Variants in PIERCE1 observed in about 807,000 individuals in gnomAD.
The protein encoded by PIERCE1 is piercer of microtubule wall 1.
the PIERCE1 span, chr9:135,498,509 A>C: frequency 1.6e-6 from 2 of 1,274,402 alleles, no homozygotes; most frequent in Non-Finnish European, 2.3e-6. This position sits in a 1 kb window ranked among gnomAD's most constrained non-coding sequence, Gnocchi z 4.1. Context: ...TGACCTGTTG[A>C]GAACCCCAGG....
At chr9:135,497,804 A>G in the PIERCE1 span, among the ~76,000 whole-genome samples, 2 of 152,322 alleles carry the variant, frequency 1.3e-5, no homozygotes, top group South Asian at 2.1e-4. Flanking sequence ...TGATTCTCAA[A>G]TGCTCCAGCA....
At chr9:135,495,723 A>G in the PIERCE1 span, 1 of 1,080,824 alleles carries the variant, frequency 9.3e-7, no homozygotes, top group Non-Finnish European at 1.3e-6. Context: ...CAGAGAAGCC[A>G]GAGTGGGTAG....
the PIERCE1 span, chr9:135,498,635 T>C: frequency 6.2e-6 from 10 of 1,613,942 alleles, no homozygotes; most frequent in African/African-American, 1.2e-4. The surrounding 1 kb of genome is among the most constrained non-coding windows in gnomAD (Gnocchi z 4.1). Context: ...TGGTTACTGG[T>C]CCTGTACACG....
chr9:135,496,883 C>T, the PIERCE1 span, among the ~76,000 whole-genome samples: 5 of 148,718 alleles, frequency 3.4e-5, no homozygotes, highest in Non-Finnish European at 5.9e-5. Flanking sequence ...CTGCAACCTT[C>T]GCCTCTGGGT....
the PIERCE1 span, among the ~76,000 whole-genome samples, chr9:135,497,617 G>T: frequency 6.6e-6 from 1 of 151,984 alleles, no homozygotes; most frequent in South Asian, 2.1e-4. Flanking sequence ...AGGGATGGGG[G>T]TCTCATTACG....
At chr9:135,498,824 T>C in the PIERCE1 span, 1 of 660,702 alleles carries the variant, frequency 1.5e-6, no homozygotes, top group South Asian at 1.8e-5. The surrounding 1 kb of genome is among the most constrained non-coding windows in gnomAD (Gnocchi z 4.1). Context: ...TGGGAGTACC[T>C]GGCTGATGAC....
chr9:135,495,293 C>T, the PIERCE1 span: 11 of 837,902 alleles, frequency 1.3e-5, no homozygotes, highest in African/African-American at 5.1e-5. Context: ...TTTCCTACTC[C>T]GCAGACGAAT....
At chr9:135,496,812 T>C in the PIERCE1 span, among the ~76,000 whole-genome samples, 1,646 of 151,142 alleles carry the variant, frequency 0.011, 24 homozygotes, top group African/African-American at 0.038. Flanking sequence ...TTTTTTTTTT[T>C]TGAGATGGAG....
the PIERCE1 span, chr9:135,498,954 G>A: frequency 1.3e-5 from 5 of 396,472 alleles, no homozygotes; most frequent in Admixed American, 2.1e-4. The surrounding 1 kb of genome is among the most constrained non-coding windows in gnomAD (Gnocchi z 4.1). Context: ...GCCCTGGCAG[G>A]GCCTCGGCAC....
At chr9:135,499,510 C>T in the PIERCE1 span, 2 of 778,796 alleles carry the variant, frequency 2.6e-6, no homozygotes, top group East Asian at 5.4e-5. Flanking sequence ...CCCCCCACTG[C>T]CCTTATCCCC....
chr9:135,497,087 A>G, the PIERCE1 span, among the ~76,000 whole-genome samples: 4,846 of 152,116 alleles, frequency 0.032, 281 homozygotes, highest in African/African-American at 0.11. Flanking sequence ...GTGAGCCACC[A>G]CGCCCAGCCT....
the PIERCE1 span, among the ~76,000 whole-genome samples, chr9:135,496,425 G>A: frequency 2.0e-5 from 3 of 152,216 alleles, no homozygotes; most frequent in Admixed American, 6.5e-5. Context: ...CGAGTGGTCT[G>A]GACCTCCGCC....
chr9:135,499,463 TGA>T, the PIERCE1 span: 1 of 702,978 alleles, frequency 1.4e-6, no homozygotes, highest in Non-Finnish European at 2.7e-6. Context: ...TCAGTGGAGC[TGA>T]GACCACAACT....
At chr9:135,497,398 TTC>T in the PIERCE1 span, among the ~76,000 whole-genome samples, 1 of 114,134 alleles carries the variant, frequency 8.8e-6, no homozygotes, top group South Asian at 2.8e-4. Context: ...GGGTTTTTTT[TTC>T]TTTTTTTTTT....
the PIERCE1 span, among the ~76,000 whole-genome samples, chr9:135,498,215 AG>A: frequency 6.6e-6 from 1 of 152,178 alleles, no homozygotes; most frequent in African/African-American, 2.4e-5. The surrounding 1 kb of genome is among the most constrained non-coding windows in gnomAD (Gnocchi z 4.1). Context: ...CCAAAAAAAA[AG>A]TAGCCCTTCA....
the PIERCE1 span, chr9:135,498,485 C>T: frequency 5.2e-6 from 5 of 967,312 alleles, no homozygotes; most frequent in South Asian, 5.8e-5. The surrounding 1 kb of genome is among the most constrained non-coding windows in gnomAD (Gnocchi z 4.1). Flanking sequence ...GTGCACCCCT[C>T]CCCGTCTCAT....
At chr9:135,495,886 C>T in the PIERCE1 span, among the ~76,000 whole-genome samples, 2 of 152,168 alleles carry the variant, frequency 1.3e-5, no homozygotes, top group South Asian at 2.1e-4. Context: ...GTGAGCATCG[C>T]CTTGGGGGTC....
the PIERCE1 span, chr9:135,499,088 C>A: frequency 3.7e-6 from 1 of 271,840 alleles, no homozygotes; most frequent in South Asian, 3.8e-5. Context: ...TCTACTGGTA[C>A]CACTGCCCCT....
At chr9:135,496,623 AAC>A in the PIERCE1 span, among the ~76,000 whole-genome samples, 2 of 152,184 alleles carry the variant, frequency 1.3e-5, no homozygotes, top group Non-Finnish European at 2.9e-5. Context: ...TCCCTCAGCA[AAC>A]ACAGTTCCCC....
Sources: gnomAD v4.1 joint callset for allele counts (sites outside exome capture counted in the v4.1 genomes callset) on GRCh38, gnomAD v4.1.1 for gene constraint, Gnocchi (gnomAD v3.1) non-coding constraint, MANE v1.5 for transcripts, NCBI Gene and HGNC (gene_info 2026-07-23, HGNC 2026-07-21) for gene names.